The following SPATS2 variants were observed in gnomAD, a reference collection of about 807,000 sequenced individuals.
The protein encoded by SPATS2 is spermatogenesis associated serine rich 2.
In SPATS2, 38 loss-of-function variants were observed where a neutral mutation model predicts 63.7. That is an observed-to-expected ratio of 0.60 (90% CI 0.46 to 0.78). The LOEUF is 0.78. Among genes scored for constraint, SPATS2 ranks in the 30% least tolerant of loss-of-function variants. The pLI, the probability that SPATS2 is intolerant of heterozygous loss-of-function variation, is 0.00. For missense variants in SPATS2, 588 were observed against 666.2 expected (o/e 0.88, Z 1.29); for synonymous variants, 207 against 232.9 (o/e 0.89, Z 1.01).
At chr12:49,392,229 C>G (rs1268693054) in intron 2 of SPATS2, among the ~76,000 whole-genome samples, 1 of 151,390 alleles carries the variant, frequency 6.6e-6, no homozygotes, top group Non-Finnish European at 1.5e-5. Flanking sequence ...TGACACTTTT[C>G]CATCCTATTT....
At position 49,519,093 on chromosome 12, in the gene SPATS2, CAAA is replaced by C. The variant is rs930931643; in HGVS notation, c.921_923del (p.Lys309del). 3.1e-6 allele frequency: 5 copies of C among 1,613,788 alleles called. No individual in the cohort carries two copies. The highest frequency in any genetic ancestry group is 2.7e-5 in the African/African-American group (2 of 75,012). On this transcript the variant is annotated inframe_deletion, in exon 11 of 14. Coordinates refer to ENST00000552918, the MANE Select transcript of SPATS2 (RefSeq NM_023071.4). ...TACAGTGGAAATTTTGCTCAGCCGA[CAAA>C]AGAAGGCTGAACTTCTAAAGAAGAT...
chr12:49,432,804 A>G (rs1006531247), intron 2 of SPATS2, among the ~76,000 whole-genome samples: 1 of 152,194 alleles, frequency 6.6e-6, no homozygotes, highest in Admixed American at 6.5e-5. Context: ...TATATACCAC[A>G]TTTTATCTAT....
chr12:49,525,619 G>A (rs551943673), intron 13 of SPATS2, among the ~76,000 whole-genome samples: 52 of 152,264 alleles, frequency 3.4e-4, no homozygotes, highest in African/African-American at 1.2e-3. Context: ...GCAGAGTTCA[G>A]ACATAATATA....
At chr12:49,466,316 C>A (rs1235873479) in intron 3 of SPATS2, among the ~76,000 whole-genome samples, 1 of 152,030 alleles carries the variant, frequency 6.6e-6, no homozygotes, top group Non-Finnish European at 1.5e-5. Flanking sequence ...GCGCCCACCA[C>A]CACGCCCGGC....
intron 4 of SPATS2, among the ~76,000 whole-genome samples, chr12:49,488,906 G>A (rs1946339762): frequency 6.6e-6 from 1 of 152,130 alleles, no homozygotes; most frequent in African/African-American, 2.4e-5. Context: ...GGACTTATTA[G>A]GTGTTCATGG....
chr12:49,378,384 G>A lies in SPATS2; in HGVS notation c.-244+7094G>A, dbSNP rs974793420. 1.8e-4 allele frequency among the ~76,000 whole-genome samples: 27 copies of A among 151,020 alleles called. 1 individual carries two copies. Among genetic ancestry groups the A allele is most frequent in the Admixed American group, 9.3e-4 (14 of 15,124 alleles). ...TCGAACTCGGCTCACTGCAACCTCCGCCTCCCGGGATCAAGCGATTGTCCT... is the reference window on the plus strand; with the variant it reads ...TCGAACTCGGCTCACTGCAACCTCCACCTCCCGGGATCAAGCGATTGTCCT... On this transcript the variant is annotated intron_variant, in intron 2 of 13. Transcript: ENST00000552918.
intron 11 of SPATS2, among the ~76,000 whole-genome samples, chr12:49,521,294 C>T (rs927618372): frequency 7.9e-5 from 12 of 152,316 alleles, no homozygotes; most frequent in Middle Eastern, 6.8e-3. Flanking sequence ...CATCCAGGAC[C>T]TTACAGGGAT....
Position 49,519,205 on chromosome 12 carries a change from G to A in SPATS2, c.1008+23G>A, listed in dbSNP as rs779381162. 6 of 1,589,704 alleles carry A rather than the reference G, an allele frequency of 3.8e-6. No homozygotes were observed. The South Asian group carries it at 5.6e-5, about 15-fold the overall frequency. On this transcript the variant is annotated intron_variant, in intron 11 of 13. Transcript: ENST00000552918. ...AAGGTAAAACTTCTTTCTGCTTTCT[G>A]CCTTTCTTCTTATCCTCAGGGGCTA...
chr12:49,417,689 T>G (rs775953009), intron 2 of SPATS2, among the ~76,000 whole-genome samples: 2 of 152,256 alleles, frequency 1.3e-5, no homozygotes, highest in Non-Finnish European at 2.9e-5. Context: ...TCAACCCATC[T>G]TCTCTGATGA....
chr12:49,385,650 T>C (rs374823226), intron 2 of SPATS2, among the ~76,000 whole-genome samples: 16 of 151,942 alleles, frequency 1.1e-4, no homozygotes, highest in African/African-American at 3.6e-4. Flanking sequence ...CTCAGTGAAT[T>C]AGGAAATAAA....
At chr12:49,473,972 G>T (rs1390321265) in intron 3 of SPATS2, among the ~76,000 whole-genome samples, 2 of 152,212 alleles carry the variant, frequency 1.3e-5, no homozygotes, top group African/African-American at 4.8e-5. Context: ...TTGGTGAGTG[G>T]GAGAGGATTG....
chr12:49,373,539 C>G (rs1944038679), intron 2 of SPATS2, among the ~76,000 whole-genome samples: 1 of 152,030 alleles, frequency 6.6e-6, no homozygotes, highest in Admixed American at 6.6e-5. Context: ...TGACCTCAGT[C>G]CTAGCACTTT....
chr12:49,368,623 C>T (rs546961884), intron 1 of SPATS2, among the ~76,000 whole-genome samples: 124 of 152,270 alleles, frequency 8.1e-4, no homozygotes, highest in African/African-American at 2.9e-3. Context: ...TAAATTATTT[C>T]TTGATGTTAA....
intron 2 of SPATS2, among the ~76,000 whole-genome samples, chr12:49,426,776 C>T (rs1372454768): frequency 6.6e-6 from 1 of 152,196 alleles, no homozygotes; most frequent in Non-Finnish European, 1.5e-5. Flanking sequence ...ATCTCCTGAC[C>T]TCGTGATCCT....
At chr12:49,456,273 C>T (rs985555022) in intron 2 of SPATS2, among the ~76,000 whole-genome samples, 1 of 152,022 alleles carries the variant, frequency 6.6e-6, no homozygotes, top group African/African-American at 2.4e-5. Flanking sequence ...GAGAAGATAA[C>T]ATTTGAAAAA....
At chr12:49,427,951 T>C (rs1396624501) in intron 2 of SPATS2, among the ~76,000 whole-genome samples, 1 of 152,064 alleles carries the variant, frequency 6.6e-6, no homozygotes, top group African/African-American at 2.4e-5. Flanking sequence ...TTTTTTCTTA[T>C]TGCATTAATT....
At chr12:49,376,684 A>G (rs6580710) in intron 2 of SPATS2, among the ~76,000 whole-genome samples, 27,865 of 145,678 alleles carry the variant, frequency 0.19, 3,585 homozygotes, top group African/African-American at 0.38. Context: ...GGTGTGAACC[A>G]TTGTACCTGG....
rs780436650 is a variant in SPATS2, at chr12:49,500,130, A to G, written c.764A>G (p.Tyr255Cys). The G allele has an allele frequency of 3.1e-6, 5 of 1,611,754 alleles. No individual in the cohort carries two copies. In the Admixed American group the frequency reaches 8.4e-5, roughly 27 times the overall value. Reference protein sequence around the residue: ...LQRCTVSLARYRVVVKEEMDA... With the variant: ...LQRCTVSLARCRVVVKEEMDA... ...CGCTGCACAGTGTCTCTTGCACGGT[A>G]TCGAGTTGTAGTTAAAGAAGAGATG... Residue 255 changes from tyrosine (Y) to cysteine (C), a missense_variant, in exon 9 of 14, where the codon TAT becomes TGT. By Grantham distance (194) the Tyr-to-Cys change is radical. Coordinates refer to ENST00000552918, the MANE Select transcript of SPATS2 (RefSeq NM_023071.4).
intron 3 of SPATS2, among the ~76,000 whole-genome samples, chr12:49,466,922 A>G (rs1224275550): frequency 1.3e-5 from 2 of 152,138 alleles, no homozygotes; most frequent in Admixed American, 6.5e-5. Context: ...CTTTCAGTCC[A>G]TGAACTTACT....
Sources: gnomAD v4.1 joint callset for allele counts (sites outside exome capture counted in the v4.1 genomes callset) on GRCh38, gnomAD v4.1.1 for gene constraint, MANE v1.5 for transcripts, NCBI Gene and HGNC (gene_info 2026-07-23, HGNC 2026-07-21) for gene names.